Variants in SLCO3A1 observed in about 807,000 individuals in gnomAD.
SLCO3A1 encodes PGE1 transporter.
Under a neutral mutation model 63.1 loss-of-function variants are expected in SLCO3A1, and 27 were observed. The observed-to-expected ratio is 0.43, with a 90% CI of 0.32 to 0.59. The LOEUF is 0.59. SLCO3A1 is among the 20% of genes least tolerant of loss of function. The probability of loss-of-function intolerance (pLI) is 0.09; values close to 1 mark genes in which losing one functional copy is unlikely to be tolerated. For synonymous variants in SLCO3A1, 473 were observed against 409.9 expected (o/e 1.15, Z -1.86); for missense variants, 773 against 945.8 (o/e 0.82, Z 2.40).
chr15:91,949,159 A>G (rs1185156892), intron 2 of SLCO3A1, among the ~76,000 whole-genome samples: 2 of 152,118 alleles, frequency 1.3e-5, no homozygotes, highest in African/African-American at 4.8e-5. Context: ...GCTTCTGCAC[A>G]CAGATAACTC....
At chr15:92,047,568 ATAAATAT>A (rs1398767317) in intron 2 of SLCO3A1, among the ~76,000 whole-genome samples, 1 of 22,154 alleles carries the variant, frequency 4.5e-5, no homozygotes, top group African/African-American at 2.9e-4. Context: ...AAATATATAT[ATAAATAT>A]ATATATAATA....
At chr15:92,107,183 T>C (rs886526307) in intron 4 of SLCO3A1, among the ~76,000 whole-genome samples, 1 of 152,220 alleles carries the variant, frequency 6.6e-6, no homozygotes, top group African/African-American at 2.4e-5. Context: ...TCACTTCTGA[T>C]GGTTAATGAT....
At position 92,106,273 on chromosome 15, in the gene SLCO3A1, C is replaced by T. The variant is rs114363009; in HGVS notation, c.1009+1731C>T. On this transcript the variant is annotated intron_variant, in intron 4 of 9. Coordinates refer to ENST00000318445, the MANE Select transcript of SLCO3A1 (RefSeq NM_013272.4). ...CATAAAACTTAAGTTCCAGAATGCA[C>T]CGGTAGATGAGAAGGCCAGCCAATC... Among the ~76,000 whole-genome samples the T allele has an allele frequency of 3.4e-3, 521 of 152,250 alleles. 3 individuals carry two copies. The highest frequency in any genetic ancestry group is 0.012 in the African/African-American group (500 of 41,548).
At chr15:92,096,530 G>T (rs1381882619) in intron 3 of SLCO3A1, among the ~76,000 whole-genome samples, 1 of 152,156 alleles carries the variant, frequency 6.6e-6, no homozygotes, top group South Asian at 2.1e-4. Context: ...TTAGCATGCA[G>T]CAAAGCCATA....
intron 7 of SLCO3A1, 108 bp downstream of exon 7, chr15:92,128,597 TG>T (rs1247183651): frequency 3.1e-6 from 3 of 977,682 alleles, no homozygotes; most frequent in Non-Finnish European, 3.0e-6. Context: ...TTTTCTTAGC[TG>T]TTGCCTTGCT....
rs549253846 is a variant in SLCO3A1 at position 91,882,916 on chromosome 15, C to T, written c.180+28828C>T. 2.0e-5 allele frequency among the ~76,000 whole-genome samples: 3 copies of T among 152,080 alleles called. No homozygotes were observed. Among genetic ancestry groups the T allele is most frequent in the Admixed American group, 6.5e-5 (1 of 15,284 alleles). On this transcript the variant is annotated intron_variant, in intron 1 of 9. Coordinates refer to ENST00000318445, the MANE Select transcript of SLCO3A1 (RefSeq NM_013272.4). This position sits in a 1 kb window ranked among gnomAD's most constrained non-coding sequence, Gnocchi z 4.4. The stretch of plus-strand genomic sequence containing the variant: ...GCAATTAGGTATCACCTTGGTGTCC[C>T]AAAGAGATGTAATATCACCTTGTTC...
At chr15:92,021,244 T>TA (rs1486765161) in intron 2 of SLCO3A1, among the ~76,000 whole-genome samples, 1 of 152,212 alleles carries the variant, frequency 6.6e-6, no homozygotes, top group Non-Finnish European at 1.5e-5. Context: ...AGATGTCACT[T>TA]ACTCTTTTAA....
At chr15:92,096,411 C>G (rs1302662040) in intron 3 of SLCO3A1, among the ~76,000 whole-genome samples, 1 of 152,228 alleles carries the variant, frequency 6.6e-6, no homozygotes, top group East Asian at 1.9e-4. Flanking sequence ...ACACAAGGAC[C>G]AGAATACCAG....
At chr15:92,073,967 A>G (rs4984328) in intron 2 of SLCO3A1, among the ~76,000 whole-genome samples, 129,465 of 151,866 alleles carry the variant, frequency 0.85, 55,600 homozygotes, top group African/African-American at 0.96. Context: ...TCAGGAGTTT[A>G]AGACCAACCT....
At chr15:92,007,284 G>T (rs1380276045) in intron 2 of SLCO3A1, among the ~76,000 whole-genome samples, 1 of 152,180 alleles carries the variant, frequency 6.6e-6, no homozygotes, top group Non-Finnish European at 1.5e-5. Context: ...AAAATATTCA[G>T]GCATTGTTCC....
At chr15:91,964,366 G>A (rs1384977979) in intron 2 of SLCO3A1, among the ~76,000 whole-genome samples, 1 of 151,722 alleles carries the variant, frequency 6.6e-6, no homozygotes, top group Non-Finnish European at 1.5e-5. Flanking sequence ...CCCTTTTTAG[G>A]GCATGGTAAA....
At chr15:91,926,558 CGTGTGTGTGTGTGTGTGTGT>C (rs565234731) in intron 2 of SLCO3A1, among the ~76,000 whole-genome samples, 6 of 126,082 alleles carry the variant, frequency 4.8e-5, no homozygotes, top group Non-Finnish European at 9.6e-5. Context: ...CCTGCCAAGC[CGTGTGTGTGTGTGTGTGTGT>C]GTGTGTGTGT....
chr15:91,893,462 T>A (rs55978911), intron 1 of SLCO3A1, among the ~76,000 whole-genome samples: 29,937 of 152,070 alleles, frequency 0.2, 3,147 homozygotes, highest in East Asian at 0.37. Context: ...TTCTGGTTGA[T>A]AGATGGCACC....
Position 92,163,247 on chromosome 15 carries a change from A to C in SLCO3A1, c.*112A>C. The stretch of plus-strand genomic sequence containing the variant: ...AAACTCAGTACACACACACAGGCAC[A>C]GATGCACACACACGCAGACAGACAC... On this transcript the variant is annotated 3_prime_UTR_variant, in exon 10 of 10. Transcript: ENST00000318445. 2 of 1,413,636 alleles carry C rather than the reference A, an allele frequency of 1.4e-6. No individual in the cohort carries two copies. The highest frequency in any genetic ancestry group is 1.8e-6 in the Non-Finnish European group (2 of 1,091,498). The allele number at this position is 1,413,636 out of a possible 1,614,324, so 87.6% of individuals were successfully genotyped here. A position where few individuals can be genotyped will look rare whatever the true frequency, so the allele number is the denominator to read the frequency against.
chr15:92,119,815 C>G (rs1385138939), intron 4 of SLCO3A1, among the ~76,000 whole-genome samples: 1 of 152,106 alleles, frequency 6.6e-6, no homozygotes, highest in South Asian at 2.1e-4. Context: ...TATATTGGAT[C>G]AAGAGTGAAA....
intron 4 of SLCO3A1, among the ~76,000 whole-genome samples, chr15:92,111,339 G>T (rs944293393): frequency 6.6e-6 from 1 of 152,172 alleles, no homozygotes; most frequent in Non-Finnish European, 1.5e-5. Context: ...TTATCATGAG[G>T]AGCCTGGTGA....
chr15:91,926,654 C>A (rs1899043437), intron 2 of SLCO3A1, among the ~76,000 whole-genome samples: 1 of 147,220 alleles, frequency 6.8e-6, no homozygotes, highest in Non-Finnish European at 1.5e-5. Context: ...ATGAAGATAC[C>A]AAAGCCTTGG....
intron 1 of SLCO3A1, 107 bp from the exon 2 acceptor site, chr15:91,915,886 T>G: frequency 1.1e-6 from 1 of 920,846 alleles, no homozygotes; most frequent in Non-Finnish European, 1.7e-6. Flanking sequence ...GGAGGCCAGG[T>G]GGGAGGGTCC....
chr15:91,936,236 C>T (rs1177073276), intron 2 of SLCO3A1, among the ~76,000 whole-genome samples: 1 of 152,232 alleles, frequency 6.6e-6, no homozygotes, highest in Non-Finnish European at 1.5e-5. Flanking sequence ...GAGGATTGGG[C>T]ACAAGCCCAA....
Sources: gnomAD v4.1 joint callset for allele counts (sites outside exome capture counted in the v4.1 genomes callset) on GRCh38, gnomAD v4.1.1 for gene constraint, Gnocchi (gnomAD v3.1) non-coding constraint, MANE v1.5 for transcripts, NCBI Gene and HGNC (gene_info 2026-07-23, HGNC 2026-07-21) for gene names.